The following MEF2A variants were observed in gnomAD, a reference collection of about 807,000 sequenced individuals.
MEF2A encodes myocyte-specific enhancer factor 2A.
In MEF2A, 28 loss-of-function variants were observed where a neutral mutation model predicts 55.8. That is an observed-to-expected ratio of 0.50 (90% CI 0.37 to 0.69). The LOEUF (loss-of-function observed/expected upper bound fraction) is 0.69, where lower values mean the gene tolerates loss of function less well. MEF2A is among the 30% of genes least tolerant of loss of function. The pLI, the probability that MEF2A is intolerant of heterozygous loss-of-function variation, is 0.00. For missense variants in MEF2A, 528 were observed against 626.2 expected (o/e 0.84, Z 1.67); for synonymous variants, 239 against 227.1 (o/e 1.05, Z -0.47).
chr15:99,696,527 A>T (rs1006439844), intron 8 of MEF2A, among the ~76,000 whole-genome samples: 2 of 152,132 alleles, frequency 1.3e-5, no homozygotes, highest in Non-Finnish European at 1.5e-5. Context: ...ATCTCAAAGG[A>T]AATTTAAAAA....
intron 8 of MEF2A, among the ~76,000 whole-genome samples, chr15:99,694,908 T>G (rs2056177549): frequency 6.6e-6 from 1 of 152,208 alleles, no homozygotes; most frequent in Non-Finnish European, 1.5e-5. Flanking sequence ...TTTCTGTTGC[T>G]TTGTTCTAGC....
chr15:99,660,205 G>GT (rs1393416619), intron 4 of MEF2A, among the ~76,000 whole-genome samples: 2 of 152,074 alleles, frequency 1.3e-5, no homozygotes, highest in Non-Finnish European at 1.5e-5. Context: ...AGACTTTTTT[G>GT]TTTGTTTGTT....
chr15:99,612,279 C>T (rs1462542266), intron 2 of MEF2A, among the ~76,000 whole-genome samples: 5 of 151,660 alleles, frequency 3.3e-5, no homozygotes, highest in Non-Finnish European at 5.9e-5. Context: ...TAGCTGGGCG[C>T]GGTGGTGGGC....
intron 4 of MEF2A, among the ~76,000 whole-genome samples, chr15:99,659,471 A>G (rs1180216692): frequency 1.3e-5 from 2 of 152,148 alleles, no homozygotes; most frequent in Non-Finnish European, 2.9e-5. Context: ...TACAACCACC[A>G]CATACACAGT....
At chr15:99,706,695 A>G in intron 9 of MEF2A, 34 bp from the exon 10 acceptor site, 3 of 1,607,460 alleles carry the variant, frequency 1.9e-6, no homozygotes, top group Non-Finnish European at 2.6e-6. Flanking sequence ...TAAATACCAC[A>G]TCAGAACACA....
At chr15:99,566,722 T>C (rs1959742956) in intron 1 of MEF2A, 1 of 152,364 alleles carries the variant, frequency 6.6e-6, no homozygotes, top group Admixed American at 6.5e-5. Flanking sequence ...CCCCCACTTC[T>C]GCTTTGGGAG....
chr15:99,611,374 G>A (rs1175946974), intron 2 of MEF2A, among the ~76,000 whole-genome samples: 1 of 152,134 alleles, frequency 6.6e-6, no homozygotes. Flanking sequence ...ACTTCAAAAA[G>A]GATTTTCTCC....
chr15:99,698,119 C>T (rs148911881), intron 8 of MEF2A, among the ~76,000 whole-genome samples: 7 of 152,130 alleles, frequency 4.6e-5, no homozygotes, highest in Non-Finnish European at 7.4e-5. Flanking sequence ...AAACAGGAAA[C>T]TGAAATTTAG....
chr15:99,610,405 TCCCCCG>T (rs1976747827), intron 2 of MEF2A, among the ~76,000 whole-genome samples: 3 of 22,990 alleles, frequency 1.3e-4, no homozygotes, highest in Admixed American at 4.3e-4. Context: ...CCAGCTGGTC[TCCCCCG>T]CCCCCCCCCC....
intron 2 of MEF2A, among the ~76,000 whole-genome samples, chr15:99,605,880 G>A (rs1249737925): frequency 6.6e-6 from 1 of 152,138 alleles, no homozygotes; most frequent in Admixed American, 6.5e-5. Flanking sequence ...TTAGGCAGGA[G>A]GATCACTTGA....
At chr15:99,648,612 A>G (rs997390660) in intron 4 of MEF2A, among the ~76,000 whole-genome samples, 1 of 152,176 alleles carries the variant, frequency 6.6e-6, no homozygotes, top group East Asian at 1.9e-4. Context: ...AACAACTTCC[A>G]TAAGGCCTAT....
intron 9 of MEF2A, among the ~76,000 whole-genome samples, 188 bp downstream of exon 9, chr15:99,703,573 G>A (rs1302166341): frequency 1.3e-5 from 2 of 151,972 alleles, no homozygotes; most frequent in Non-Finnish European, 2.9e-5. Context: ...TGTATGTGTT[G>A]ACCCATTTTA....
chr15:99,605,199 C>T (rs1274630476), intron 2 of MEF2A, among the ~76,000 whole-genome samples: 1 of 152,212 alleles, frequency 6.6e-6, no homozygotes, highest in Non-Finnish European at 1.5e-5. Flanking sequence ...CTGGCTGCTT[C>T]AGTCTCCCAA....
rs982406080 is a variant in MEF2A, at chr15:99,715,048, T to C, written c.*2277T>C. The C allele has an allele frequency of 2.0e-5, 3 of 152,184 alleles. No homozygotes were observed. The highest frequency in any genetic ancestry group is 4.8e-5 in the African/African-American group (2 of 41,430). The allele number at this position is 152,184 out of a possible 1,614,324, so 9.4% of individuals were successfully genotyped here. ...CTCTTCAGTATAGACATTAGGCTCTTATTCAGAAAGGATTTTTCTTTAAAA... is the reference window on the plus strand; with the variant it reads ...CTCTTCAGTATAGACATTAGGCTCTCATTCAGAAAGGATTTTTCTTTAAAA... On this transcript the variant is annotated 3_prime_UTR_variant, in exon 12 of 12. Transcript: ENST00000557942.
upstream of MEF2A, chr15:99,565,865 G>C (rs940333664): frequency 3.3e-5 from 5 of 153,352 alleles, no homozygotes; most frequent in African/African-American, 1.2e-4. Context: ...GAACCCAGGA[G>C]GGAGGGGAGG....
At position 99,714,890 on chromosome 15, in the gene MEF2A, T is replaced by C. The variant is rs1597366561; in HGVS notation, c.*2119T>C. 1.4e-5 allele frequency: 2 copies of C among 138,800 alleles called. No individual in the cohort carries two copies. The highest frequency in any genetic ancestry group is 4.5e-4 in the East Asian group (2 of 4,428). 8.6% of individuals were successfully genotyped at this position (138,800 alleles called of 1,614,324 possible). ...CAAGTCATCAGCCAGATTTCCTGAC[T>C]GACACATAGGTATGATCAGTGCAGG... On this transcript the variant is annotated 3_prime_UTR_variant, in exon 12 of 12. Coordinates refer to ENST00000557942, the MANE Select transcript of MEF2A (RefSeq NM_001319206.4).
At chr15:99,632,625 A>C (rs374467839) in intron 2 of MEF2A, among the ~76,000 whole-genome samples, 23 of 152,212 alleles carry the variant, frequency 1.5e-4, no homozygotes, top group African/African-American at 5.3e-4. Flanking sequence ...GGTAATAATT[A>C]TAGATTGCTA....
At chr15:99,672,891 G>C (rs1252958644) in intron 5 of MEF2A, among the ~76,000 whole-genome samples, 1 of 152,150 alleles carries the variant, frequency 6.6e-6, no homozygotes, top group Admixed American at 6.5e-5. Context: ...AGATGTCTCT[G>C]TCTCAGCTAC....
At chr15:99,650,281 C>T (rs2046636449) in intron 4 of MEF2A, among the ~76,000 whole-genome samples, 1 of 152,292 alleles carries the variant, frequency 6.6e-6, no homozygotes, top group Admixed American at 6.5e-5. Context: ...TAACCTTTCC[C>T]CTTGCTCCTT....
Sources: gnomAD v4.1 joint callset for allele counts (sites outside exome capture counted in the v4.1 genomes callset) on GRCh38, gnomAD v4.1.1 for gene constraint, MANE v1.5 for transcripts, NCBI Gene and HGNC (gene_info 2026-07-23, HGNC 2026-07-21) for gene names.